The following SLC17A1 variants were observed in gnomAD, a reference collection of about 807,000 sequenced individuals.
The protein encoded by SLC17A1 is solute carrier family 17 member 1, also known as sodium-dependent phosphate transport protein 1.
A neutral mutation model predicts 53.5 loss-of-function variants in SLC17A1; 51 were observed. The observed-to-expected ratio is 0.95, with a 90% CI of 0.76 to 1.20. The LOEUF is 1.20. Ranked by LOEUF, SLC17A1 falls within the 50% of genes most tolerant of loss-of-function variation. SLC17A1 has a pLI of 0.00. For missense variants in SLC17A1, 538 were observed against 568.2 expected, an observed-to-expected ratio of 0.95 and a Z score of 0.54; for synonymous variants, 179 against 198.8, an observed-to-expected ratio of 0.90 and a Z score of 0.84.
At chr6:25,828,997 T>C (rs1764850455) in intron 2 of SLC17A1, among the ~76,000 whole-genome samples, 1 of 152,152 alleles carries the variant, frequency 6.6e-6, no homozygotes. Flanking sequence ...TGTTAAAAGA[T>C]AAGAATATTA....
chr6:25,724,685 C>T, the SLC17A1 span, among the ~76,000 whole-genome samples: 3 of 152,178 alleles, frequency 2.0e-5, no homozygotes, highest in East Asian at 3.9e-4. Context: ...AGTTAAGTGC[C>T]ACTTTCTTGA....
chr6:25,758,107 G>C, the SLC17A1 span, among the ~76,000 whole-genome samples: 8 of 152,168 alleles, frequency 5.3e-5, no homozygotes, highest in African/African-American at 1.9e-4. Flanking sequence ...CTCAGACCAA[G>C]AGTCACCACC....
chr6:25,771,969 A>G, the SLC17A1 span, among the ~76,000 whole-genome samples: 1 of 152,154 alleles, frequency 6.6e-6, no homozygotes, highest in Non-Finnish European at 1.5e-5. Context: ...TTTGTTTAAT[A>G]TTTGAAACAT....
the SLC17A1 span, among the ~76,000 whole-genome samples, chr6:25,754,184 A>G: frequency 6.6e-6 from 1 of 152,204 alleles, no homozygotes; most frequent in Non-Finnish European, 1.5e-5. Flanking sequence ...GTGGGGAACC[A>G]GAATGCAAAT....
chr6:25,831,824 C>G (rs7776337), intron 1 of SLC17A1, among the ~76,000 whole-genome samples, 170 bp downstream of exon 1: 3,636 of 152,168 alleles, frequency 0.024, 123 homozygotes, highest in African/African-American at 0.078. Context: ...AAAATATGTT[C>G]TTTTTTCTCT....
At position 25,826,642 on chromosome 6, in the gene SLC17A1, T is replaced by C; in HGVS notation, c.35-9A>G. 1.3e-6 allele frequency: 2 copies of C among 1,544,984 alleles called. No individual in the cohort carries two copies. Among genetic ancestry groups the C allele is most frequent in the Non-Finnish European group, 1.8e-6 (2 of 1,140,872 alleles). ...GGAACAGAAACCTGGAACTACAAAG[T>C]AAAACAGAAAGTCGCAATTGCTGAC... On this transcript the variant is annotated splice_polypyrimidine_tract_variant and intron_variant, in intron 2 of 12. Transcript: ENST00000244527.
chr6:25,811,911 T>G, intron 8 of SLC17A1, 141 bp from the exon 9 acceptor site: 1 of 869,744 alleles, frequency 1.1e-6, no homozygotes, highest in Non-Finnish European at 1.7e-6. Flanking sequence ...ACAGAATTAC[T>G]GCTGGGACCA....
intron 12 of SLC17A1, among the ~76,000 whole-genome samples, chr6:25,794,934 G>A (rs757740447): frequency 3.0e-4 from 46 of 152,134 alleles, no homozygotes; most frequent in Non-Finnish European, 2.1e-4. Context: ...AAGGTAACCC[G>A]CTTTGCAGCA....
downstream of SLC17A1, chr6:25,778,968 C>A (rs777866238): frequency 1.3e-5 from 20 of 1,547,544 alleles, no homozygotes; most frequent in Non-Finnish European, 1.8e-5. Flanking sequence ...GGGGAGGGAG[C>A]AGGAGGACAC....
intron 10 of SLC17A1, among the ~76,000 whole-genome samples, chr6:25,808,630 T>C (rs75185110): frequency 0.029 from 4,367 of 151,998 alleles, 76 homozygotes; most frequent in Middle Eastern, 0.078. Context: ...GACATACAAA[T>C]GGACAATAAG....
intron 12 of SLC17A1, among the ~76,000 whole-genome samples, chr6:25,795,103 T>C (rs1012687000): frequency 1.1e-4 from 16 of 152,170 alleles, no homozygotes; most frequent in African/African-American, 1.7e-4. Flanking sequence ...CCTCCTGCAC[T>C]ATGGCACTAT....
At chr6:25,735,357 A>G in the SLC17A1 span, among the ~76,000 whole-genome samples, 41 of 152,234 alleles carry the variant, frequency 2.7e-4, no homozygotes, top group Non-Finnish European at 7.3e-5. Context: ...CAGAAGGGAC[A>G]TAAGTACATC....
At chr6:25,755,607 G>A in the SLC17A1 span, among the ~76,000 whole-genome samples, 1 of 152,106 alleles carries the variant, frequency 6.6e-6, no homozygotes, top group African/African-American at 2.4e-5. Context: ...AGAATGGCTG[G>A]CTCCATTTCT....
the SLC17A1 span, among the ~76,000 whole-genome samples, chr6:25,750,384 A>G: frequency 6.6e-6 from 1 of 152,210 alleles, no homozygotes; most frequent in East Asian, 1.9e-4. Flanking sequence ...AAAAGTAATT[A>G]GCTGGTTTGA....
chr6:25,729,755 C>T, the SLC17A1 span, among the ~76,000 whole-genome samples: 1 of 150,026 alleles, frequency 6.7e-6, no homozygotes, highest in Admixed American at 6.6e-5. Context: ...TTTTTAATAT[C>T]CTTCTAGTAC....
chr6:25,762,090 C>A, the SLC17A1 span: 1 of 1,567,976 alleles, frequency 6.4e-7, no homozygotes, highest in Non-Finnish European at 8.7e-7. Context: ...GTAAATAAAA[C>A]TAGGATCTGT....
chr6:25,814,950 C>T (rs1412987825), intron 6 of SLC17A1, among the ~76,000 whole-genome samples: 13 of 151,058 alleles, frequency 8.6e-5, no homozygotes, highest in African/African-American at 3.2e-4. Flanking sequence ...ACTGCCATTG[C>T]ACTCCAGGCT....
intron 1 of SLC17A1, among the ~76,000 whole-genome samples, chr6:25,831,778 T>C (rs1160344294): frequency 1.3e-5 from 2 of 152,074 alleles, no homozygotes; most frequent in Non-Finnish European, 2.9e-5. Flanking sequence ...ATACTTCTCT[T>C]TCCTTGTGTC....
chr6:25,826,024 CTT>C (rs1335253711), intron 3 of SLC17A1, among the ~76,000 whole-genome samples: 1 of 152,090 alleles, frequency 6.6e-6, no homozygotes, highest in Non-Finnish European at 1.5e-5. Context: ...CATTACCTAT[CTT>C]GTTTTTATTT....
Sources: gnomAD v4.1 joint callset for allele counts (sites outside exome capture counted in the v4.1 genomes callset) on GRCh38, gnomAD v4.1.1 for gene constraint, MANE v1.5 for transcripts, NCBI Gene and HGNC (gene_info 2026-07-23, HGNC 2026-07-21) for gene names.